Variants in GABRG3 observed in about 807,000 individuals in gnomAD.
GABRG3 encodes the protein gamma-aminobutyric acid receptor subunit gamma-3.
Under a neutral mutation model 48.8 loss-of-function variants are expected in GABRG3, and 25 were observed. The ratio of observed to expected loss-of-function variants is 0.51; its 90% confidence interval spans 0.37 to 0.72. The LOEUF is 0.72. Among genes scored for constraint, GABRG3 ranks in the 30% least tolerant of loss-of-function variants. GABRG3 has a pLI of 0.00. For synonymous variants in GABRG3, 227 were observed against 217.6 expected (o/e 1.04, Z -0.38); for missense variants, 394 against 577.9 (o/e 0.68, Z 3.26).
intron 5 of GABRG3, among the ~76,000 whole-genome samples, chr15:27,355,664 G>T (rs558250325): frequency 6.8e-4 from 104 of 152,320 alleles, no homozygotes; most frequent in African/African-American, 2.4e-3. Context: ...ACAAAAACTT[G>T]TACATGAATG....
At chr15:27,239,832 T>G (rs1247942781) in intron 3 of GABRG3, among the ~76,000 whole-genome samples, 3 of 152,234 alleles carry the variant, frequency 2.0e-5, no homozygotes, top group Non-Finnish European at 4.4e-5. Context: ...TCCTCTAATA[T>G]AAGAATTGTC....
At position 27,193,094 on chromosome 15, in the gene GABRG3, T is replaced by C. The variant is rs553816383; in HGVS notation, c.271-133715T>C. Among the ~76,000 whole-genome samples, 260 of 152,028 alleles carry C rather than the reference T, an allele frequency of 1.7e-3. 1 individual carries two copies. The highest frequency in any genetic ancestry group is 5.8e-3 in the African/African-American group (242 of 41,464). On this transcript the variant is annotated intron_variant, in intron 3 of 9. Coordinates refer to ENST00000615808, the MANE Select transcript of GABRG3 (RefSeq NM_033223.5). Reference sequence around the variant, plus strand: ...CTCTGGAAGTTTTGTCTCAGAGGAGTATCCGGCCGTGTGAGGTGTCAGTCT... The same window carrying C: ...CTCTGGAAGTTTTGTCTCAGAGGAGCATCCGGCCGTGTGAGGTGTCAGTCT...
At chr15:27,159,305 A>G (rs1217174670) in intron 3 of GABRG3, among the ~76,000 whole-genome samples, 2 of 152,028 alleles carry the variant, frequency 1.3e-5, no homozygotes, top group Non-Finnish European at 2.9e-5. Flanking sequence ...AACATGGCAA[A>G]ACCCCATCTC....
intron 3 of GABRG3, among the ~76,000 whole-genome samples, chr15:27,069,804 T>TTG (rs1442488023): frequency 6.6e-6 from 1 of 152,234 alleles, no homozygotes; most frequent in Non-Finnish European, 1.5e-5. Context: ...AATACCCATG[T>TTG]TGAAACACAT....
intron 3 of GABRG3, among the ~76,000 whole-genome samples, chr15:27,170,901 T>G (rs2140410563): frequency 6.6e-6 from 1 of 152,338 alleles, no homozygotes; most frequent in African/African-American, 2.4e-5. Flanking sequence ...CCCAAATAGA[T>G]TTTGAATCTC....
At chr15:27,095,305 T>C (rs1221633879) in intron 3 of GABRG3, among the ~76,000 whole-genome samples, 1 of 152,216 alleles carries the variant, frequency 6.6e-6, no homozygotes, top group Admixed American at 6.5e-5. Flanking sequence ...AGAACTTCAC[T>C]GTGGTATAAG....
intron 3 of GABRG3, among the ~76,000 whole-genome samples, chr15:27,284,048 G>C (rs533446911): frequency 7.9e-4 from 120 of 152,198 alleles, no homozygotes; most frequent in Middle Eastern, 3.4e-3. Context: ...GGGTGCAAGG[G>C]GGGAGGCAGA....
At chr15:27,109,285 A>G (rs970414431) in intron 3 of GABRG3, among the ~76,000 whole-genome samples, 3 of 152,142 alleles carry the variant, frequency 2.0e-5, no homozygotes, top group African/African-American at 7.2e-5. Flanking sequence ...TTCCCTTACT[A>G]TTAGTGTGGT....
intron 5 of GABRG3, among the ~76,000 whole-genome samples, chr15:27,427,746 T>C (rs1263457607): frequency 6.6e-6 from 1 of 152,246 alleles, no homozygotes; most frequent in African/African-American, 2.4e-5. Flanking sequence ...ATTAAGTAGT[T>C]CATTTTTTTC....
At chr15:27,147,203 A>G (rs1401753418) in intron 3 of GABRG3, among the ~76,000 whole-genome samples, 1 of 152,116 alleles carries the variant, frequency 6.6e-6, no homozygotes, top group African/African-American at 2.4e-5. Context: ...TTTATCTTAT[A>G]TGTGTATATA....
intron 2 of GABRG3, among the ~76,000 whole-genome samples, chr15:26,984,351 C>T (rs1895112558): frequency 6.6e-6 from 1 of 152,114 alleles, no homozygotes; most frequent in African/African-American, 2.4e-5. Flanking sequence ...TTGTGCATCA[C>T]TGTTATTTTT....
At chr15:26,980,950 A>G (rs1895043159) in intron 2 of GABRG3, among the ~76,000 whole-genome samples, 1 of 152,108 alleles carries the variant, frequency 6.6e-6, no homozygotes, top group Non-Finnish European at 1.5e-5. Flanking sequence ...GAGGGAAAGG[A>G]TCAGCAAATA....
At chr15:27,275,540 C>T (rs1055948136) in intron 3 of GABRG3, among the ~76,000 whole-genome samples, 9 of 152,054 alleles carry the variant, frequency 5.9e-5, no homozygotes, top group Non-Finnish European at 1.0e-4. Context: ...AGTTCATCCC[C>T]CTCTTGGGAT....
intron 3 of GABRG3, among the ~76,000 whole-genome samples, chr15:27,162,504 A>AG (rs1233313054): frequency 6.6e-6 from 1 of 152,138 alleles, no homozygotes; most frequent in Non-Finnish European, 1.5e-5. Context: ...ATGGAATGGT[A>AG]GTGGCACTTT....
At chr15:27,113,046 C>A (rs758681563) in intron 3 of GABRG3, among the ~76,000 whole-genome samples, 7 of 152,110 alleles carry the variant, frequency 4.6e-5, no homozygotes, top group South Asian at 4.1e-4. Context: ...TGGAGGGAAT[C>A]ATTTATTTTG....
chr15:26,977,222 T>C (rs1302553764), intron 2 of GABRG3, 72 bp downstream of exon 2: 27 of 1,465,104 alleles, frequency 1.8e-5, no homozygotes, highest in Non-Finnish European at 2.4e-5. Context: ...TTTTGAGTAA[T>C]TGTGAATTCC....
intron 5 of GABRG3, among the ~76,000 whole-genome samples, chr15:27,343,722 C>T (rs932902094): frequency 1.1e-4 from 16 of 151,990 alleles, no homozygotes; most frequent in African/African-American, 3.4e-4. Context: ...ATTCAGAACA[C>T]GGTACGTCAA....
intron 3 of GABRG3, among the ~76,000 whole-genome samples, chr15:27,281,845 G>T (rs1286657915): frequency 6.6e-6 from 1 of 151,892 alleles, no homozygotes; most frequent in Non-Finnish European, 1.5e-5. Flanking sequence ...TCTTTCTACT[G>T]TTCTTAATTT....
At chr15:27,183,201 A>G (rs1310567003) in intron 3 of GABRG3, among the ~76,000 whole-genome samples, 1 of 152,058 alleles carries the variant, frequency 6.6e-6, no homozygotes, top group East Asian at 1.9e-4. Flanking sequence ...TTTTCTTTCT[A>G]ATATGTATCT....
Sources: allele counts gnomAD v4.1 joint callset (sites outside exome capture counted in the v4.1 genomes callset), GRCh38; gene constraint gnomAD v4.1.1; transcripts MANE v1.5; gene names NCBI Gene and HGNC (gene_info 2026-07-23, HGNC 2026-07-21).